Variants in SIPA1L1 observed in about 807,000 individuals in gnomAD.
SIPA1L1 encodes signal-induced proliferation-associated 1-like protein 1.
SIPA1L1 carries 26 observed loss-of-function variants against 162.7 expected under a neutral mutation model. The observed-to-expected ratio is 0.16, with a 90% confidence interval of 0.12 to 0.22. SIPA1L1 has a LOEUF of 0.22. Among genes scored for constraint, SIPA1L1 ranks in the 10% least tolerant of loss-of-function variants. The pLI is 1.00. For synonymous variants in SIPA1L1, 829 were observed against 837.4 expected (o/e 0.99, Z 0.17); for missense variants, 1,874 against 2,241.0 (o/e 0.84, Z 3.31).
At chr14:71,564,092 G>A (rs10135680) in intron 4 of SIPA1L1, among the ~76,000 whole-genome samples, 127,310 of 152,134 alleles carry the variant, frequency 0.84, 53,884 homozygotes, top group African/African-American at 0.95. Flanking sequence ...GACTACAGGC[G>A]TGTACCAGCA....
intron 2 of SIPA1L1, among the ~76,000 whole-genome samples, chr14:71,506,720 T>G (rs1356578653): frequency 6.6e-6 from 1 of 152,206 alleles, no homozygotes; most frequent in Non-Finnish European, 1.5e-5. Context: ...TTTATTTTTT[T>G]GATTGTTAAG....
chr14:71,459,397 C>T (rs1346231779), intron 2 of SIPA1L1, among the ~76,000 whole-genome samples: 4 of 151,982 alleles, frequency 2.6e-5, no homozygotes, highest in African/African-American at 9.7e-5. Context: ...TTAGGGTTCT[C>T]TAGAGGGACA....
intron 5 of SIPA1L1, among the ~76,000 whole-genome samples, chr14:71,613,635 C>T (rs1477125157): frequency 6.6e-6 from 1 of 152,126 alleles, no homozygotes; most frequent in Non-Finnish European, 1.5e-5. Flanking sequence ...TCTTCCTTGC[C>T]TTTCTTTGAC....
chr14:71,669,882 TTTC>T (rs1260379865), intron 10 of SIPA1L1, among the ~76,000 whole-genome samples: 2 of 152,220 alleles, frequency 1.3e-5, no homozygotes, highest in African/African-American at 4.8e-5. Context: ...GATTTTTATT[TTTC>T]TTATTTTCAC....
intron 2 of SIPA1L1, among the ~76,000 whole-genome samples, chr14:71,507,153 A>G (rs974273433): frequency 2.0e-5 from 3 of 152,176 alleles, no homozygotes; most frequent in African/African-American, 7.2e-5. Flanking sequence ...TCCTCATGAC[A>G]TAAAAATTTA....
chr14:71,640,115 G>A (rs887281901), intron 7 of SIPA1L1, among the ~76,000 whole-genome samples: 4 of 152,120 alleles, frequency 2.6e-5, no homozygotes, highest in African/African-American at 9.7e-5. Context: ...TGTTGGCCAA[G>A]CTGGTCTCAA....
intron 2 of SIPA1L1, among the ~76,000 whole-genome samples, chr14:71,449,884 T>C (rs1462891945): frequency 3.9e-5 from 6 of 152,224 alleles, no homozygotes; most frequent in Non-Finnish European, 1.5e-5. Flanking sequence ...GGGAGAAAGG[T>C]CTTAAAATTG....
At chr14:71,669,318 G>T (rs1401332539) in intron 10 of SIPA1L1, among the ~76,000 whole-genome samples, 1 of 152,170 alleles carries the variant, frequency 6.6e-6, no homozygotes, top group Non-Finnish European at 1.5e-5. Flanking sequence ...TCTGCAGAAA[G>T]CCAGTTAGTT....
intron 13 of SIPA1L1, among the ~76,000 whole-genome samples, chr14:71,695,588 A>G (rs2081566765): frequency 1.3e-5 from 2 of 152,256 alleles, no homozygotes; most frequent in Admixed American, 6.5e-5. Context: ...TCATAGAAGC[A>G]TAAACATTTT....
At chr14:71,468,560 C>G (rs935218347) in intron 2 of SIPA1L1, among the ~76,000 whole-genome samples, 2 of 152,128 alleles carry the variant, frequency 1.3e-5, no homozygotes, top group South Asian at 2.1e-4. Context: ...TGGTTTTAAG[C>G]CACTCATGGG....
intron 9 of SIPA1L1, among the ~76,000 whole-genome samples, chr14:71,660,522 G>T (rs117218134): frequency 3.3e-5 from 5 of 151,522 alleles, no homozygotes; most frequent in South Asian, 2.1e-4. Flanking sequence ...TACAAGTTTT[G>T]TAAGTACAAG....
intron 2 of SIPA1L1, among the ~76,000 whole-genome samples, chr14:71,468,656 A>C (rs149195406): frequency 7.3e-4 from 111 of 152,340 alleles, no homozygotes; most frequent in African/African-American, 2.6e-3. Context: ...GTGTGGTCTC[A>C]TGAGATTCGG....
At chr14:71,484,275 C>CTTT (rs779789523) in intron 2 of SIPA1L1, among the ~76,000 whole-genome samples, 1 of 119,082 alleles carries the variant, frequency 8.4e-6, no homozygotes, top group African/African-American at 3.1e-5. Context: ...AGTTGGACAG[C>CTTT]TTTTTTTTTT....
At chr14:71,529,913 G>C (rs971206706) in intron 4 of SIPA1L1, among the ~76,000 whole-genome samples, 1 of 152,216 alleles carries the variant, frequency 6.6e-6, no homozygotes, top group African/African-American at 2.4e-5. Context: ...CTTACTTCTG[G>C]ATGTTGTTGT....
intron 2 of SIPA1L1, among the ~76,000 whole-genome samples, chr14:71,419,514 G>A (rs1276586516): frequency 4.0e-5 from 5 of 123,592 alleles, no homozygotes; most frequent in Non-Finnish European, 8.1e-5. Flanking sequence ...TTTTTGAGAC[G>A]GAGTCTCGCT....
intron 7 of SIPA1L1, among the ~76,000 whole-genome samples, chr14:71,631,264 A>T (rs1044925282): frequency 6.6e-6 from 1 of 152,162 alleles, no homozygotes; most frequent in African/African-American, 2.4e-5. Flanking sequence ...AAGATATAAC[A>T]GGCTGTAGAC....
intron 3 of SIPA1L1, among the ~76,000 whole-genome samples, chr14:71,516,749 G>A (rs1416470700): frequency 6.6e-6 from 1 of 152,010 alleles, no homozygotes; most frequent in Non-Finnish European, 1.5e-5. Flanking sequence ...GAGGCAGGCG[G>A]ATTGCTTGAG....
intron 2 of SIPA1L1, among the ~76,000 whole-genome samples, chr14:71,476,839 G>C (rs540771257): frequency 6.6e-6 from 1 of 151,646 alleles, no homozygotes; most frequent in Non-Finnish European, 1.5e-5. Context: ...CACCATGCCC[G>C]GCTAATTTTT....
At position 71,730,268 on chromosome 14, in the gene SIPA1L1, C is replaced by G; in HGVS notation, c.4828C>G (p.Pro1610Ala). ...SLPKSLPLRRPSYTLGMKSLH... is the reference protein window; with the variant it reads ...SLPKSLPLRRASYTLGMKSLH... ...CCCCAAGTCGCTCCCGTTGAGGAGG[C>G]CTTCTTACACCTTAGGAATGAAATC... Residue 1610 changes from proline (P) to alanine (A), a missense_variant, in exon 20 of 24, where the codon CCT (proline) becomes GCT (alanine). By Grantham distance (27) the Pro-to-Ala change is conservative. Around this residue, in one of 5 missense-constraint regions of SIPA1L1, gnomAD observed 936 missense variants for 1,051.9 expected, o/e 0.89. Transcript: ENST00000381232. 1.2e-6 allele frequency: 2 copies of G among 1,614,122 alleles called. No homozygotes were observed. Among genetic ancestry groups the G allele is most frequent in the Non-Finnish European group, 1.7e-6 (2 of 1,179,980 alleles).
Sources: gnomAD v4.1 joint callset for allele counts (sites outside exome capture counted in the v4.1 genomes callset) on GRCh38, gnomAD v4.1.1 for gene constraint, gnomAD v4.1.1 regional missense constraint, MANE v1.5 for transcripts, NCBI Gene and HGNC (gene_info 2026-07-23, HGNC 2026-07-21) for gene names.